The following NCOR2 variants were observed in gnomAD, a reference collection of about 807,000 sequenced individuals.
The protein encoded by NCOR2 is CTG repeat protein 26.
Under a neutral mutation model 262.9 loss-of-function variants are expected in NCOR2, and 81 were observed. The observed-to-expected ratio is 0.31, with a 90% CI of 0.26 to 0.37. The LOEUF (loss-of-function observed/expected upper bound fraction) is 0.37, where lower values mean the gene tolerates loss of function less well. Ranked by LOEUF, NCOR2 falls within the 10% of genes least tolerant of loss-of-function variation. The pLI is 1.00. For synonymous variants in NCOR2, 1,659 were observed against 1,559.3 expected (o/e 1.06, Z -1.51); for missense variants, 3,385 against 3,621.4 (o/e 0.93, Z 1.68).
intron 38 of NCOR2, 146 bp downstream of exon 40, chr12:124,336,607 G>T: frequency 6.8e-7 from 1 of 1,464,188 alleles, no homozygotes; most frequent in South Asian, 1.4e-5. Flanking sequence ...TTTGGACCAC[G>T]AGACGGGGTG....
intron 1 of NCOR2, among the ~76,000 whole-genome samples, chr12:124,543,832 G>C (rs530164463): frequency 6.6e-6 from 1 of 152,216 alleles, no homozygotes; most frequent in Admixed American, 6.5e-5. Context: ...CCAGCTGTCC[G>C]TCCACCTGTC....
At chr12:124,372,573 G>A (rs1359835000) in exon 20 of NCOR2, 2 of 1,598,416 alleles carry the variant, frequency 1.3e-6, no homozygotes, top group Middle Eastern at 1.7e-4. Context: ...TGTGAGGAGA[G>A]GGGATGCTCT....
At position 124,532,984 on chromosome 12, in the gene NCOR2, C is replaced by G. The variant is rs1268171707; in HGVS notation, c.-118+2581G>C. 9.9e-5 allele frequency among the ~76,000 whole-genome samples: 9 copies of G among 91,166 alleles called. No homozygotes were observed. The Admixed American group carries it at 1.1e-3, about 11-fold the overall frequency. 59.8% of individuals were successfully genotyped at this position (91,166 alleles called of 152,430 possible). On this transcript the variant is annotated intron_variant, in intron 1 of 46. Coordinates refer to the NCOR2 transcript ENST00000404621. ...TTCCCCCCTCCCTCCAAATCCCACT[C>G]CTCTTTCCCCCACCTCCAAATCGCA... is the stretch of plus-strand genomic sequence containing the variant.
chr12:124,534,294 T>C (rs945336804), intron 1 of NCOR2, among the ~76,000 whole-genome samples: 7 of 152,020 alleles, frequency 4.6e-5, no homozygotes, highest in African/African-American at 1.7e-4. Context: ...CCATCTCTAC[T>C]ACAAATACAA....
At chr12:124,384,693 A>C (rs913600832) in intron 17 of NCOR2, among the ~76,000 whole-genome samples, 6 of 152,172 alleles carry the variant, frequency 3.9e-5, no homozygotes, top group South Asian at 2.1e-4. Flanking sequence ...CAGCCTGCTC[A>C]CCCTCTCTGG....
chr12:124,392,435 C>A (rs971337324), intron 16 of NCOR2, among the ~76,000 whole-genome samples: 3 of 152,168 alleles, frequency 2.0e-5, no homozygotes, highest in Non-Finnish European at 4.4e-5. Context: ...TGGTGACAGT[C>A]TCCTTGGACG....
At chr12:124,536,266 C>T (rs2137194654), upstream of NCOR2, among the ~76,000 whole-genome samples, 1 of 152,144 alleles carries the variant, frequency 6.6e-6, no homozygotes, top group African/African-American at 2.4e-5. Context: ...TTTGTAGAGA[C>T]AGGGTCTCAC....
exon 11 of NCOR2, chr12:124,426,668 C>A: frequency 6.2e-7 from 1 of 1,608,796 alleles, no homozygotes; most frequent in South Asian, 1.1e-5. Context: ...ATGTTCATGA[C>A]CTGGCGGTCT....
chr12:124,350,677 G>A, exon 28 of NCOR2: 1 of 1,613,726 alleles, frequency 6.2e-7, no homozygotes. Context: ...AAGCGACTCG[G>A]GCTGTCCTCG....
In NCOR2 at chr12:124,332,482, C is replaced by T. The variant is rs774902352; in HGVS notation, c.6756-15G>A. On this transcript the variant is annotated splice_polypyrimidine_tract_variant and intron_variant, in intron 42 of 46. Transcript: ENST00000405201. ...AGCCCATCCTGCTGTGAGGATCAAA[C>T]ACCTCACATCAGCTCACTTGGTGCC... 1.9e-6 allele frequency: 3 copies of T among 1,614,040 alleles called. No homozygotes were observed. Among genetic ancestry groups the T allele is most frequent in the Non-Finnish European group, 2.5e-6 (3 of 1,179,938 alleles).
exon 11 of NCOR2, chr12:124,426,699 G>A (rs1481444671): frequency 2.2e-5 from 36 of 1,611,608 alleles, no homozygotes; most frequent in Non-Finnish European, 3.1e-5. Context: ...TCATGGGGTC[G>A]GCCATAAGCC....
chr12:124,367,305 G>A (rs2039116829), intron 20 of NCOR2, among the ~76,000 whole-genome samples: 1 of 152,112 alleles, frequency 6.6e-6, no homozygotes, highest in African/African-American at 2.4e-5. Context: ...CCCTTCTTGA[G>A]CCCCCAGAGC....
intron 5 of NCOR2, among the ~76,000 whole-genome samples, chr12:124,461,183 C>T (rs535380650): frequency 6.6e-6 from 1 of 152,222 alleles, no homozygotes; most frequent in Non-Finnish European, 1.5e-5. Context: ...CCCCCACGCA[C>T]GTCCTCCCAC....
In NCOR2 at chr12:124,429,849, G is replaced by A. The variant is rs558779186; in HGVS notation, c.1056-143C>T. The A allele has an allele frequency of 3.2e-5, 24 of 761,472 alleles. No individual in the cohort carries two copies. The East Asian group carries it at 3.8e-4, about 12-fold the overall frequency. 47.2% of individuals were successfully genotyped at this position (761,472 alleles called of 1,614,324 possible). ...CAGCAGAGGGGCCGGCCCCACACCC[G>A]GGGTCCTGGGGAGGCATGGAGCCCC... On this transcript the variant is annotated intron_variant, in intron 9 of 46. Coordinates refer to ENST00000405201, the Ensembl canonical transcript of NCOR2.
intron 1 of NCOR2, among the ~76,000 whole-genome samples, chr12:124,554,902 C>G (rs757139287): frequency 1.1e-4 from 16 of 152,214 alleles, no homozygotes; most frequent in Non-Finnish European, 2.1e-4. Flanking sequence ...GAGGGTGACC[C>G]GGAGGGGAAT....
At chr12:124,370,362 G>A (rs1026441166) in intron 20 of NCOR2, among the ~76,000 whole-genome samples, 3 of 152,290 alleles carry the variant, frequency 2.0e-5, no homozygotes, top group African/African-American at 7.2e-5. Flanking sequence ...ATAGAGATCC[G>A]GGTGAACCTC....
intron 16 of NCOR2, chr12:124,388,732 G>T: frequency 7.7e-7 from 1 of 1,304,348 alleles, no homozygotes; most frequent in Non-Finnish European, 1.0e-6. Context: ...CGGAAACATA[G>T]GGCTGGGAAG....
chr12:124,358,420 G>C (rs1460563450), intron 22 of NCOR2, among the ~76,000 whole-genome samples: 2 of 152,194 alleles, frequency 1.3e-5, no homozygotes, highest in East Asian at 3.8e-4. Flanking sequence ...ATGGATGTGT[G>C]TGCGCCTGTG....
chr12:124,383,610 C>T (rs1462878416), intron 17 of NCOR2: 1 of 226,186 alleles, frequency 4.4e-6, no homozygotes, highest in Non-Finnish European at 8.3e-6. Context: ...ACAATAACCA[C>T]AGCAGTAAGA....
Sources: gnomAD v4.1 joint callset for allele counts (sites outside exome capture counted in the v4.1 genomes callset) on GRCh38, gnomAD v4.1.1 for gene constraint, MANE v1.5 for transcripts, NCBI Gene and HGNC (gene_info 2026-07-23, HGNC 2026-07-21) for gene names.